The following EXOC2 variants were observed in gnomAD, a reference collection of about 807,000 sequenced individuals.
EXOC2 encodes the protein exocyst complex component 2.
Under a neutral mutation model 131.8 loss-of-function variants are expected in EXOC2, and 70 were observed. The observed-to-expected ratio is 0.53, with a 90% CI of 0.44 to 0.65. The LOEUF (loss-of-function observed/expected upper bound fraction) is 0.65. Among genes scored for constraint, EXOC2 ranks in the 30% least tolerant of loss-of-function variants. The probability of loss-of-function intolerance (pLI) is 0.00; values close to 1 mark genes in which losing one functional copy is unlikely to be tolerated. For synonymous variants in EXOC2, 411 were observed against 398.4 expected (o/e 1.03, Z -0.38); for missense variants, 923 against 1,108.6 (o/e 0.83, Z 2.38).
intron 1 of EXOC2, among the ~76,000 whole-genome samples, chr6:683,596 A>C (rs1764510933): frequency 6.6e-6 from 1 of 152,248 alleles, no homozygotes; most frequent in Non-Finnish European, 1.5e-5. Flanking sequence ...TAAATTGGTT[A>C]ATTTCATTAA....
intron 2 of EXOC2, 58 bp downstream of exon 2, chr6:637,643 T>C: frequency 7.7e-7 from 1 of 1,304,166 alleles, no homozygotes; most frequent in Admixed American, 2.3e-5. Context: ...ATATCTTGTC[T>C]CCCTTGTCCA....
intron 13 of EXOC2, among the ~76,000 whole-genome samples, chr6:568,404 G>A (rs904691509): frequency 5.3e-5 from 8 of 152,194 alleles, no homozygotes; most frequent in African/African-American, 1.7e-4. Flanking sequence ...CTTAGGTCTC[G>A]AGCCGGCTGG....
chr6:486,860 G>T, intron 27 of EXOC2, 96 bp from the exon 28 acceptor site: 1 of 896,102 alleles, frequency 1.1e-6, no homozygotes. Flanking sequence ...CTCTGCCTGG[G>T]CTTGCTGTGT....
chr6:572,286 C>A (rs1246958261), intron 13 of EXOC2, among the ~76,000 whole-genome samples: 1 of 152,172 alleles, frequency 6.6e-6, no homozygotes, highest in East Asian at 1.9e-4. Flanking sequence ...CCTACAACCA[C>A]CTTTTGAGAC....
rs58892194 is a variant in EXOC2 at position 685,869 on chromosome 6, C to CTTTTTTTTTTTTTTTTTTTTTTT, written c.-44+7127_-44+7149dup. Among the ~76,000 whole-genome samples the CTTTTTTTTTTTTTTTTTTTTTTT allele has an allele frequency of 3.0e-4, 29 of 98,260 alleles. 2 individuals carry two copies. Among genetic ancestry groups the CTTTTTTTTTTTTTTTTTTTTTTT allele is most frequent in the Non-Finnish European group, 4.5e-4 (22 of 48,714 alleles). The allele number at this position is 98,260 out of a possible 152,430, so 64.5% of individuals were successfully genotyped here. A position where few individuals can be genotyped will look rare whatever the true frequency, so the allele number is the denominator to read the frequency against. ...TAATGTATCCTGCTTTCCTGGACCT[C>CTTTTTTTTTTTTTTTTTTTTTTT]TTTTTTTTTTTTTTTTTTTTTTTTG... is the stretch of plus-strand genomic sequence containing the variant. On this transcript the variant is annotated intron_variant, in intron 1 of 27. Coordinates refer to ENST00000230449, the MANE Select transcript of EXOC2 (RefSeq NM_018303.6).
chr6:609,534 G>C (rs974522530), intron 7 of EXOC2, among the ~76,000 whole-genome samples: 6 of 152,196 alleles, frequency 3.9e-5, no homozygotes, highest in Non-Finnish European at 7.3e-5. Context: ...ACAGACAAGG[G>C]ACGTGGACAG....
At chr6:548,251 CT>C (rs1158676061) in intron 22 of EXOC2, among the ~76,000 whole-genome samples, 1 of 151,970 alleles carries the variant, frequency 6.6e-6, no homozygotes, top group Non-Finnish European at 1.5e-5. Flanking sequence ...CATTTTCACT[CT>C]TTGAAAAAAA....
At chr6:630,696 T>C (rs545880622) in intron 3 of EXOC2, among the ~76,000 whole-genome samples, 1 of 152,324 alleles carries the variant, frequency 6.6e-6, no homozygotes, top group East Asian at 1.9e-4. Flanking sequence ...GCAAAAATAA[T>C]ATGCTACTTG....
At chr6:661,002 A>G (rs2127760365) in intron 1 of EXOC2, among the ~76,000 whole-genome samples, 1 of 152,364 alleles carries the variant, frequency 6.6e-6, no homozygotes, top group Middle Eastern at 3.4e-3. Context: ...TTAGAAATGC[A>G]AAATACTCTG....
rs888512484 is a variant in EXOC2, at chr6:506,706, G to A, written c.2381-7006C>T. Among the ~76,000 whole-genome samples, 13 of 151,930 alleles carry A rather than the reference G, an allele frequency of 8.6e-5. No homozygotes were observed. The highest frequency in any genetic ancestry group is 5.2e-4 in the Admixed American group (8 of 15,246). ...ACTTAGCAATTAATCTAGTAGCCCC[G>A]TGTGGAAATTCCCCATGGAGAAAAC... On this transcript the variant is annotated intron_variant, in intron 23 of 27. Coordinates refer to ENST00000230449, the MANE Select transcript of EXOC2 (RefSeq NM_018303.6). The surrounding 1 kb of genome is among the most constrained non-coding windows in gnomAD (Gnocchi z 4.4).
At chr6:672,808 C>T (rs772934038) in intron 1 of EXOC2, among the ~76,000 whole-genome samples, 2 of 152,160 alleles carry the variant, frequency 1.3e-5, no homozygotes, top group African/African-American at 2.4e-5. Context: ...TTCCAAGCTC[C>T]TACATCTCTG....
chr6:617,518 C>T (rs1048328621), intron 6 of EXOC2, among the ~76,000 whole-genome samples, 193 bp downstream of exon 6: 7 of 152,210 alleles, frequency 4.6e-5, no homozygotes, highest in Non-Finnish European at 1.0e-4. Context: ...TAACAAAAGC[C>T]TCAGAGATAA....
intron 10 of EXOC2, among the ~76,000 whole-genome samples, chr6:597,211 G>T (rs2127637502): frequency 6.6e-6 from 1 of 151,962 alleles, no homozygotes; most frequent in Non-Finnish European, 1.5e-5. Context: ...GTCTCACTCT[G>T]TTGCCCAGGC....
intron 20 of EXOC2, among the ~76,000 whole-genome samples, chr6:554,698 C>T (rs1358934846): frequency 6.7e-6 from 1 of 149,602 alleles, no homozygotes; most frequent in African/African-American, 2.5e-5. Flanking sequence ...TTACACATGC[C>T]AAGTATAATT....
At chr6:570,189 G>A (rs846161) in intron 13 of EXOC2, among the ~76,000 whole-genome samples, 141,961 of 148,982 alleles carry the variant, frequency 0.95, 67,748 homozygotes, top group East Asian at 1. Flanking sequence ...GCTGGAGTGT[G>A]GTGGCGCGAT....
chr6:518,390 A>C (rs376744665), intron 23 of EXOC2, among the ~76,000 whole-genome samples: 1 of 152,352 alleles, frequency 6.6e-6, no homozygotes, highest in East Asian at 1.9e-4. Context: ...CATAACCAAA[A>C]GTTTTTAAAT....
chr6:533,109 G>A (rs996096534), intron 22 of EXOC2, among the ~76,000 whole-genome samples: 3 of 152,118 alleles, frequency 2.0e-5, no homozygotes, highest in Admixed American at 1.3e-4. Flanking sequence ...GGGGGAAACG[G>A]CCACTACGAT....
At chr6:678,568 G>GA (rs1453561127) in intron 1 of EXOC2, among the ~76,000 whole-genome samples, 8 of 152,150 alleles carry the variant, frequency 5.3e-5, no homozygotes, top group Admixed American at 5.2e-4. Context: ...ATTTTAATTA[G>GA]AAAAAATAGA....
At chr6:573,181 A>C (rs1323602752) in intron 12 of EXOC2, among the ~76,000 whole-genome samples, 1 of 152,190 alleles carries the variant, frequency 6.6e-6, no homozygotes, top group Non-Finnish European at 1.5e-5. Flanking sequence ...ACCTAAAATA[A>C]AGAAATTTAA....
Sources: allele counts gnomAD v4.1 joint callset (sites outside exome capture counted in the v4.1 genomes callset), GRCh38; gene constraint gnomAD v4.1.1; non-coding constraint Gnocchi (gnomAD v3.1); transcripts MANE v1.5; gene names NCBI Gene and HGNC (gene_info 2026-07-23, HGNC 2026-07-21).